The following ANAPC10 variants were observed in gnomAD, a reference collection of about 807,000 sequenced individuals.
ANAPC10 encodes the protein anaphase-promoting complex subunit 10.
ANAPC10 carries 12 observed loss-of-function variants against 22.0 expected under a neutral mutation model. That is an observed-to-expected ratio of 0.55 (90% confidence interval 0.35 to 0.88). ANAPC10 has a LOEUF of 0.88. Among genes scored for constraint, ANAPC10 ranks in the 40% least tolerant of loss-of-function variants. The probability of loss-of-function intolerance (pLI) is 0.01; values close to 1 mark genes in which losing one functional copy is unlikely to be tolerated. For synonymous variants in ANAPC10, 65 were observed against 69.5 expected (o/e 0.94, Z 0.32); for missense variants, 188 against 220.9 (o/e 0.85, Z 0.94).
chr4:145,006,870 C>T (rs915822482), intron 4 of ANAPC10, among the ~76,000 whole-genome samples: 3 of 152,032 alleles, frequency 2.0e-5, no homozygotes, highest in African/African-American at 4.8e-5. Flanking sequence ...CTTGTCTCTG[C>T]AGAGACTCCT....
chr4:145,037,047 T>C (rs10001640), intron 4 of ANAPC10, among the ~76,000 whole-genome samples: 2,551 of 148,438 alleles, frequency 0.017, 63 homozygotes, highest in African/African-American at 0.061. Flanking sequence ...TGTATGTGTG[T>C]GCATGCATGA....
At chr4:145,086,641 A>T (rs1339876257) in intron 2 of ANAPC10, among the ~76,000 whole-genome samples, 1 of 152,014 alleles carries the variant, frequency 6.6e-6, no homozygotes, top group Non-Finnish European at 1.5e-5. Context: ...GGCAGTACTG[A>T]TATTTTGGAC....
chr4:145,059,446 C>A (rs750367027), intron 4 of ANAPC10, among the ~76,000 whole-genome samples: 14 of 152,060 alleles, frequency 9.2e-5, no homozygotes, highest in Non-Finnish European at 1.5e-4. Flanking sequence ...TTGGTAACAG[C>A]TTTATTATCT....
rs138810873 is a variant in ANAPC10, at chr4:145,098,038, A to G, written c.-13+82T>C. 1.6e-3 allele frequency: 250 copies of G among 155,622 alleles called. 1 individual carries two copies. The highest frequency in any genetic ancestry group is 5.6e-3 in the African/African-American group (232 of 41,616). 9.6% of individuals were successfully genotyped at this position (155,622 alleles called of 1,614,324 possible). A position where few individuals can be genotyped will look rare whatever the true frequency, so the allele number is the denominator to read the frequency against. ...GGCCTTGAGGAAAGCGCAAACGTAA[A>G]AAAAGATTGAAACCGGAGAGGCGAA... is the stretch of plus-strand genomic sequence containing the variant. On this transcript the variant is annotated intron_variant, in intron 1 of 4. Coordinates refer to ENST00000507656, the MANE Select transcript of ANAPC10 (RefSeq NM_001256706.2).
At chr4:145,033,741 CA>C (rs1737995909) in intron 4 of ANAPC10, among the ~76,000 whole-genome samples, 1 of 152,070 alleles carries the variant, frequency 6.6e-6, no homozygotes. Flanking sequence ...TTGCTGAAGG[CA>C]AAGGGAATAC....
intron 4 of ANAPC10, among the ~76,000 whole-genome samples, chr4:145,003,501 T>C (rs1233900276): frequency 6.6e-6 from 1 of 152,166 alleles, no homozygotes; most frequent in Non-Finnish European, 1.5e-5. Flanking sequence ...CCAACAGCAG[T>C]ATTACCGATT....
intron 4 of ANAPC10, among the ~76,000 whole-genome samples, chr4:145,048,257 G>T (rs1448108854): frequency 6.6e-6 from 1 of 152,138 alleles, no homozygotes; most frequent in African/African-American, 2.4e-5. Flanking sequence ...TGATCAAGAT[G>T]ATCAAGACAG....
intron 3 of ANAPC10, 108 bp downstream of exon 3, chr4:145,081,552 G>A: frequency 2.9e-6 from 2 of 683,766 alleles, no homozygotes; most frequent in East Asian, 2.9e-5. Context: ...AGTTTAAAAA[G>A]TTAAGTGTAT....
At chr4:145,094,218 T>C (rs918696447) in intron 2 of ANAPC10, among the ~76,000 whole-genome samples, 22 of 152,276 alleles carry the variant, frequency 1.4e-4, no homozygotes, top group Admixed American at 1.0e-3. Flanking sequence ...AAGTGAATTA[T>C]GCTAAATGAA....
intron 4 of ANAPC10, among the ~76,000 whole-genome samples, chr4:145,041,225 T>A (rs978576141): frequency 6.6e-6 from 1 of 152,184 alleles, no homozygotes. Context: ...ATAGTTAAGG[T>A]GAAATTTTAC....
At chr4:145,001,032 C>T (rs185625940) in intron 4 of ANAPC10, among the ~76,000 whole-genome samples, 2 of 151,842 alleles carry the variant, frequency 1.3e-5, no homozygotes, top group Admixed American at 6.6e-5. Flanking sequence ...CGGGGCCTGT[C>T]GTAGGGTGCA....
chr4:145,049,314 T>C (rs893307160), intron 4 of ANAPC10, among the ~76,000 whole-genome samples: 1 of 152,204 alleles, frequency 6.6e-6, no homozygotes, highest in Non-Finnish European at 1.5e-5. Context: ...TATTCAATAT[T>C]CCTTTCATGA....
At chr4:145,083,896 C>T (rs1366220930) in intron 2 of ANAPC10, among the ~76,000 whole-genome samples, 1 of 151,914 alleles carries the variant, frequency 6.6e-6, no homozygotes, top group Non-Finnish European at 1.5e-5. Flanking sequence ...TATTTTCATG[C>T]TTATTCATAT....
chr4:145,056,784 T>G (rs1742131835), intron 4 of ANAPC10, among the ~76,000 whole-genome samples: 1 of 152,214 alleles, frequency 6.6e-6, no homozygotes, highest in Non-Finnish European at 1.5e-5. Flanking sequence ...ATATTCCCAG[T>G]ATGTTTTCCT....
intron 4 of ANAPC10, among the ~76,000 whole-genome samples, chr4:145,016,653 A>C (rs1196039089): frequency 6.6e-6 from 1 of 152,212 alleles, no homozygotes; most frequent in African/African-American, 2.4e-5. Flanking sequence ...AAGGGAGTCC[A>C]CATTGCCAAG....
At chr4:145,025,545 C>T (rs1325984257) in intron 4 of ANAPC10, among the ~76,000 whole-genome samples, 2 of 152,058 alleles carry the variant, frequency 1.3e-5, no homozygotes, top group African/African-American at 4.8e-5. Context: ...AGAACACACA[C>T]AGTTATCGAT....
At chr4:145,026,620 T>C (rs1275890463) in intron 4 of ANAPC10, among the ~76,000 whole-genome samples, 1 of 151,112 alleles carries the variant, frequency 6.6e-6, no homozygotes, top group African/African-American at 2.4e-5. Context: ...ACTTATTATC[T>C]GTGCCTCACT....
chr4:145,004,772 T>A (rs1733097854), intron 4 of ANAPC10, among the ~76,000 whole-genome samples: 1 of 152,168 alleles, frequency 6.6e-6, no homozygotes, highest in African/African-American at 2.4e-5. Flanking sequence ...GATTTTTGCA[T>A]CTATGTTCAT....
In ANAPC10 at chr4:145,096,144, C is replaced by T. The variant is rs187102680; in HGVS notation, c.-12-33G>A. On this transcript the variant is annotated intron_variant, in intron 1 of 4. Coordinates refer to ENST00000507656, the MANE Select transcript of ANAPC10 (RefSeq NM_001256706.2). Reference sequence around the variant, plus strand: ...GAAAACAAGAATGCACACATTGTATCAGGAACTGGGCATCTTTCTACAAAA... The same window carrying T: ...GAAAACAAGAATGCACACATTGTATTAGGAACTGGGCATCTTTCTACAAAA... 386 of 1,597,568 alleles carry T rather than the reference C, an allele frequency of 2.4e-4. 2 individuals carry two copies. Among genetic ancestry groups the T allele is most frequent in the Middle Eastern group, 2.0e-3 (12 of 5,976 alleles).
Sources: allele counts gnomAD v4.1 joint callset (sites outside exome capture counted in the v4.1 genomes callset), GRCh38; gene constraint gnomAD v4.1.1; transcripts MANE v1.5; gene names NCBI Gene and HGNC (gene_info 2026-07-23, HGNC 2026-07-21).